Variants in RARB observed in about 807,000 individuals in gnomAD.
RARB encodes the protein HBV-activated protein.
A neutral mutation model predicts 51.9 loss-of-function variants in RARB; 17 were observed. That is an observed-to-expected ratio of 0.33 (90% CI 0.22 to 0.49). The LOEUF is 0.49. Ranked by LOEUF, RARB falls within the 20% of genes least tolerant of loss-of-function variation. The pLI, the probability that RARB is intolerant of heterozygous loss-of-function variation, is 0.99. For synonymous variants in RARB, 215 were observed against 195.4 expected, an observed-to-expected ratio of 1.10 and a Z score of -0.84; for missense variants, 369 against 550.8, an observed-to-expected ratio of 0.67 and a Z score of 3.30.
intron 5 of RARB, among the ~76,000 whole-genome samples, chr3:25,351,072 G>T (rs1205965064): frequency 6.6e-6 from 1 of 152,164 alleles, no homozygotes; most frequent in Non-Finnish European, 1.5e-5. Flanking sequence ...TAAGGAATAA[G>T]CATCTGGTGC....
chr3:24,847,887 A>G (rs765024966), intron 1 of RARB, among the ~76,000 whole-genome samples: 4 of 152,208 alleles, frequency 2.6e-5, no homozygotes, highest in African/African-American at 7.2e-5. Context: ...GAGCTGGCCT[A>G]TATGTGGAAA....
At chr3:24,977,171 G>T (rs1696535567) in intron 2 of RARB, among the ~76,000 whole-genome samples, 1 of 152,160 alleles carries the variant, frequency 6.6e-6, no homozygotes, top group African/African-American at 2.4e-5. Context: ...TAGCCTTGTA[G>T]TATAGTTTGA....
intron 4 of RARB, among the ~76,000 whole-genome samples, chr3:25,134,755 T>C (rs1413590316): frequency 1.3e-5 from 2 of 152,032 alleles, no homozygotes; most frequent in Non-Finnish European, 2.9e-5. Flanking sequence ...GGGTTTATGC[T>C]CTTTTCTCAG....
intron 3 of RARB, among the ~76,000 whole-genome samples, chr3:25,562,204 A>G (rs1321656187): frequency 2.0e-5 from 3 of 152,056 alleles, no homozygotes; most frequent in African/African-American, 7.2e-5. Flanking sequence ...TTTCCTGCCT[A>G]TGAAAATTGA....
chr3:24,865,629 T>C (rs922226186), intron 2 of RARB, among the ~76,000 whole-genome samples: 5 of 152,174 alleles, frequency 3.3e-5, no homozygotes, highest in Admixed American at 1.3e-4. Context: ...ATATTTATTA[T>C]AACTTAATAC....
chr3:25,002,493 G>A (rs886355871), intron 2 of RARB, among the ~76,000 whole-genome samples: 2 of 152,070 alleles, frequency 1.3e-5, no homozygotes, highest in Non-Finnish European at 2.9e-5. Context: ...AGTTTAGTTC[G>A]CTAGGTTTAG....
chr3:25,373,992 C>T (rs1183304736), intron 5 of RARB, among the ~76,000 whole-genome samples: 2 of 152,260 alleles, frequency 1.3e-5, no homozygotes, highest in Non-Finnish European at 2.9e-5. Context: ...AAAATGAGGG[C>T]AGCTCATGAT....
chr3:24,850,468 C>T (rs1031256171), intron 1 of RARB, among the ~76,000 whole-genome samples: 10 of 152,244 alleles, frequency 6.6e-5, no homozygotes, highest in East Asian at 1.9e-4. Flanking sequence ...GATACTCCCA[C>T]GAGGGCAGGA....
chr3:25,508,566 T>G (rs1482467369), intron 3 of RARB, among the ~76,000 whole-genome samples: 1 of 152,190 alleles, frequency 6.6e-6, no homozygotes, highest in Non-Finnish European at 1.5e-5. Context: ...GTTGGGAAAT[T>G]ACATAAAAAT....
intron 3 of RARB, among the ~76,000 whole-genome samples, chr3:25,097,421 C>A (rs796687502): frequency 1.3e-5 from 2 of 152,202 alleles, no homozygotes; most frequent in African/African-American, 4.8e-5. Flanking sequence ...AATATAATTT[C>A]ATCATGAGAG....
At chr3:25,449,100 C>T (rs1331989403) in intron 1 of RARB, among the ~76,000 whole-genome samples, 1 of 152,118 alleles carries the variant, frequency 6.6e-6, no homozygotes, top group South Asian at 2.1e-4. Context: ...GGCTCAGAGT[C>T]CTCTCCTCCT....
chr3:25,051,635 A>C (rs1030482741), intron 2 of RARB, among the ~76,000 whole-genome samples: 1 of 152,302 alleles, frequency 6.6e-6, no homozygotes, highest in East Asian at 1.9e-4. Context: ...ACTATTATTC[A>C]TTAGGAACAG....
chr3:25,321,976 A>G (rs980389815), intron 5 of RARB, among the ~76,000 whole-genome samples: 1 of 152,172 alleles, frequency 6.6e-6, no homozygotes. Context: ...TGAAAAAATT[A>G]AAAGATAATA....
chr3:25,342,005 T>G (rs935700289), intron 5 of RARB, among the ~76,000 whole-genome samples: 1 of 152,212 alleles, frequency 6.6e-6, no homozygotes, highest in Non-Finnish European at 1.5e-5. Context: ...AGAAGAAATG[T>G]ATGTATCTTG....
chr3:25,300,194 C>T (rs887917029), intron 5 of RARB, among the ~76,000 whole-genome samples: 1 of 152,144 alleles, frequency 6.6e-6, no homozygotes, highest in African/African-American at 2.4e-5. Context: ...TCTTATATGA[C>T]AAAACATGAC....
chr3:25,368,022 A>T (rs1233994724), intron 5 of RARB, among the ~76,000 whole-genome samples: 1 of 152,176 alleles, frequency 6.6e-6, no homozygotes, highest in African/African-American at 2.4e-5. Flanking sequence ...TTTTAAGCCT[A>T]AGTTTTTTAC....
At chr3:25,381,512 T>G (rs910022781) in intron 5 of RARB, among the ~76,000 whole-genome samples, 5 of 152,220 alleles carry the variant, frequency 3.3e-5, no homozygotes, top group Admixed American at 3.3e-4. Flanking sequence ...GTTAGTATAT[T>G]TAAGCACTTA....
At chr3:24,847,609 G>C (rs566469740) in intron 1 of RARB, among the ~76,000 whole-genome samples, 1 of 152,320 alleles carries the variant, frequency 6.6e-6, no homozygotes, top group East Asian at 1.9e-4. Context: ...AAAATAGGGT[G>C]ACCAGCTGTC....
intron 2 of RARB, among the ~76,000 whole-genome samples, chr3:24,914,700 A>G (rs1396274588): frequency 1.3e-5 from 2 of 152,158 alleles, no homozygotes; most frequent in African/African-American, 4.8e-5. Context: ...TTGTTTATGG[A>G]ATGACAAAGT....
Sources: gnomAD v4.1 joint callset for allele counts (sites outside exome capture counted in the v4.1 genomes callset) on GRCh38, gnomAD v4.1.1 for gene constraint, MANE v1.5 for transcripts, NCBI Gene and HGNC (gene_info 2026-07-23, HGNC 2026-07-21) for gene names.